Variants in EXD3 observed in about 807,000 individuals in gnomAD.
EXD3 encodes the protein exonuclease mut-7 homolog.
A neutral mutation model predicts 98.0 loss-of-function variants in EXD3; 92 were observed. The observed-to-expected ratio is 0.94, with a 90% CI of 0.79 to 1.12. The LOEUF (loss-of-function observed/expected upper bound fraction) is 1.12, where lower values mean the gene tolerates loss of function less well. EXD3 is among the 50% of genes most tolerant of loss of function. EXD3 has a pLI of 0.00. For missense variants in EXD3, 1,222 were observed against 1,191.6 expected, an observed-to-expected ratio of 1.03 and a Z score of -0.38; for synonymous variants, 569 against 526.0, an observed-to-expected ratio of 1.08 and a Z score of -1.12.
At chr9:137,314,313 C>G (rs935344687) in intron 19 of EXD3, among the ~76,000 whole-genome samples, 4 of 152,212 alleles carry the variant, frequency 2.6e-5, no homozygotes, top group Non-Finnish European at 4.4e-5. Flanking sequence ...TGAGCCTCTT[C>G]AGAGAGAAGG....
intron 8 of EXD3, among the ~76,000 whole-genome samples, chr9:137,355,714 A>AGGAGGAAGGAGAAAG (rs1834734901): frequency 3.4e-5 from 5 of 146,336 alleles, no homozygotes; most frequent in Admixed American, 1.4e-4. Flanking sequence ...GGAAGGAGGA[A>AGGAGGAAGGAGAAAG]GGAGGAAGGA....
chr9:137,352,229 C>T lies in EXD3; in HGVS notation c.1038-28G>A, dbSNP rs546122315. 6 of 1,611,778 alleles carry T rather than the reference C, an allele frequency of 3.7e-6. No homozygotes were observed. The East Asian group carries it at 1.3e-4, about 36-fold the overall frequency. On this transcript the variant is annotated intron_variant, in intron 11 of 21. Coordinates refer to ENST00000340951, the MANE Select transcript of EXD3 (RefSeq NM_017820.5). The stretch of plus-strand genomic sequence containing the variant: ...GGGAGGAGCAGAGCTGGTAGCGCCC[C>T]CATGTCCCTGGTCCCCCACCCACTC...
intron 1 of EXD3, among the ~76,000 whole-genome samples, chr9:137,416,959 A>G (rs1209242222): frequency 6.6e-6 from 1 of 152,208 alleles, no homozygotes; most frequent in African/African-American, 2.4e-5. Context: ...TTCCCGACAG[A>G]CGCGGCCAGA....
At chr9:137,334,657 T>C (rs897900555) in intron 17 of EXD3, among the ~76,000 whole-genome samples, 4 of 152,212 alleles carry the variant, frequency 2.6e-5, no homozygotes, top group African/African-American at 9.7e-5. Flanking sequence ...AAAGCTCTTC[T>C]GCACATTGGC....
chr9:137,333,616 TG>T (rs1399668254), intron 17 of EXD3, among the ~76,000 whole-genome samples: 2 of 152,122 alleles, frequency 1.3e-5, no homozygotes, highest in African/African-American at 4.8e-5. Flanking sequence ...TGTCCTTGCC[TG>T]GTCGTTTAAA....
intron 20 of EXD3, among the ~76,000 whole-genome samples, chr9:137,308,941 A>G (rs935380977): frequency 1.8e-4 from 27 of 152,218 alleles, no homozygotes; most frequent in African/African-American, 4.3e-4. Context: ...CACCGCGCCC[A>G]GCCTGGACTG....
chr9:137,401,383 C>T (rs1837476376), intron 1 of EXD3, among the ~76,000 whole-genome samples: 2 of 152,088 alleles, frequency 1.3e-5, no homozygotes, highest in Non-Finnish European at 2.9e-5. Flanking sequence ...TCTTGATCTC[C>T]TGACCTTGTG....
At chr9:137,353,124 G>A (rs935476982) in intron 10 of EXD3, 3 of 1,174,234 alleles carry the variant, frequency 2.6e-6, no homozygotes, top group South Asian at 1.9e-5. Context: ...GACCTTCCCG[G>A]CCTCCAAGCC....
chr9:137,346,138 C>T (rs946162788), intron 17 of EXD3, among the ~76,000 whole-genome samples: 1 of 147,028 alleles, frequency 6.8e-6, no homozygotes, highest in African/African-American at 2.5e-5. Flanking sequence ...ACTCGGGAGG[C>T]TGAGGCAGGA....
At chr9:137,354,501 C>G in intron 9 of EXD3, 124 bp from the exon 10 acceptor site, 1 of 1,548,766 alleles carries the variant, frequency 6.5e-7, no homozygotes. Context: ...GCTCACCCGC[C>G]CTGGTGCCAC....
At chr9:137,367,128 G>A (rs1044751550) in intron 6 of EXD3, among the ~76,000 whole-genome samples, 1 of 152,128 alleles carries the variant, frequency 6.6e-6, no homozygotes, top group Admixed American at 6.5e-5. Context: ...AACGCCCCTC[G>A]AAGAAGACTC....
Position 137,349,520 on chromosome 9 carries a change from C to G in EXD3, c.1506G>C (p.Ala502=). The G allele has an allele frequency of 6.3e-7, 1 of 1,591,086 alleles. No individual in the cohort carries two copies. ...TGTCCACGGCTGGGGCTGGCACGCT[C>G]GCCACCCGCATCTGCTAAGACAGTG... ...LLLVHRQMRV[A]SVPAPAVDRA... is the part of the protein sequence containing the mutation. Residue 502 remains alanine (A), a synonymous_variant, in exon 15 of 22, where the codon GCG becomes GCC. Transcript: ENST00000340951. This position sits in a 1 kb window ranked among gnomAD's most constrained non-coding sequence, Gnocchi z 7.4.
chr9:137,416,470 A>G (rs1838232220), intron 1 of EXD3, among the ~76,000 whole-genome samples: 1 of 152,232 alleles, frequency 6.6e-6, no homozygotes, highest in Non-Finnish European at 1.5e-5. Context: ...CTCACCTCCC[A>G]GGTCTCCACC....
intron 1 of EXD3, among the ~76,000 whole-genome samples, chr9:137,416,830 C>T (rs2077800753): frequency 6.6e-6 from 1 of 150,938 alleles, no homozygotes; most frequent in African/African-American, 2.4e-5. Flanking sequence ...CTCTTGGAGG[C>T]GCCCCGGGCA....
intron 5 of EXD3, among the ~76,000 whole-genome samples, chr9:137,368,830 C>T (rs953257052): frequency 1.3e-5 from 2 of 151,496 alleles, no homozygotes; most frequent in African/African-American, 2.4e-5. Context: ...CTCCACCAGG[C>T]CCATGGGGCG....
At chr9:137,320,614 C>G (rs535224073) in intron 19 of EXD3, among the ~76,000 whole-genome samples, 2 of 152,254 alleles carry the variant, frequency 1.3e-5, no homozygotes, top group African/African-American at 4.8e-5. Flanking sequence ...CAGGGCGGCC[C>G]CCACTGCTCA....
intron 1 of EXD3, among the ~76,000 whole-genome samples, chr9:137,420,135 G>T (rs938279158): frequency 7.2e-5 from 11 of 152,120 alleles, no homozygotes; most frequent in Admixed American, 5.9e-4. Flanking sequence ...ACTCCAGCCT[G>T]GGCGACAGAG....
rs755260843 is a variant in EXD3, at chr9:137,373,531, C to T, written c.189G>A (p.Leu63=). The T allele has an allele frequency of 1.9e-6, 3 of 1,604,262 alleles. No individual in the cohort carries two copies. The highest frequency in any genetic ancestry group is 1.1e-5 in the South Asian group (1 of 89,462). ...DDPLAGLLDM[L]ESCRGQRGEG... ...CTCCCCGCTGGCCCCGGCAGCTCTC[C>T]AGCATGTCCAGAAGCCCGGCCAGGG... The change falls in exon 4 of 22, where the codon CTG becomes CTA. Residue 63 remains leucine, a synonymous_variant. Transcript: ENST00000340951.
At chr9:137,378,035 C>T (rs998643891) in intron 3 of EXD3, among the ~76,000 whole-genome samples, 3 of 151,588 alleles carry the variant, frequency 2.0e-5, no homozygotes, top group Non-Finnish European at 4.4e-5. Context: ...CCTCGTGATT[C>T]GCCTACCTTG....
Sources: gnomAD v4.1 joint callset for allele counts (sites outside exome capture counted in the v4.1 genomes callset) on GRCh38, gnomAD v4.1.1 for gene constraint, Gnocchi (gnomAD v3.1) non-coding constraint, MANE v1.5 for transcripts, NCBI Gene and HGNC (gene_info 2026-07-23, HGNC 2026-07-21) for gene names.